The following STARD9 variants were observed in gnomAD, a reference collection of about 807,000 sequenced individuals.
STARD9 encodes StAR related lipid transfer domain containing 9.
In STARD9, 346 loss-of-function variants were observed where a neutral mutation model predicts 399.8. The observed-to-expected ratio is 0.87, with a 90% CI of 0.79 to 0.95. The LOEUF is 0.95. Ranked by LOEUF, STARD9 falls within the 40% of genes least tolerant of loss-of-function variation. The pLI, the probability that STARD9 is intolerant of heterozygous loss-of-function variation, is 0.00. For synonymous variants in STARD9, 2,203 were observed against 2,143.5 expected (o/e 1.03, Z -0.77); for missense variants, 5,832 against 5,667.5 (o/e 1.03, Z -0.93).
intron 3 of STARD9, among the ~76,000 whole-genome samples, chr15:42,608,443 G>A (rs1383848998): frequency 2.0e-5 from 3 of 152,138 alleles, no homozygotes; most frequent in African/African-American, 7.2e-5. Context: ...TGTCTCAGAG[G>A]CTCAGCTCCC....
chr15:42,711,330 G>A (rs572764183), intron 26 of STARD9, among the ~76,000 whole-genome samples: 14 of 152,030 alleles, frequency 9.2e-5, no homozygotes, highest in African/African-American at 3.1e-4. Context: ...TAGTAGAGAC[G>A]GGGTTTCACC....
In STARD9 at chr15:42,686,482, G is replaced by A. The variant is rs1315512815; in HGVS notation, c.4904G>A (p.Ser1635Asn). The A allele has an allele frequency of 6.5e-7, 1 of 1,537,842 alleles. No individual in the cohort carries two copies. Among genetic ancestry groups the A allele is most frequent in the East Asian group, 2.4e-5 (1 of 40,924 alleles). ...KQNNLEECLQSCRKPGLMTSS... is the reference protein window; with the variant it reads ...KQNNLEECLQNCRKPGLMTSS... The stretch of plus-strand genomic sequence containing the variant: ...AACAACTTGGAAGAATGCCTTCAGA[G>A]TTGCAGGAAACCTGGACTGATGACT... Residue 1635 changes from serine to asparagine, a missense_variant, in exon 23 of 33, where the codon AGT becomes AAT. Around this residue, in one of 2 missense-constraint regions of STARD9, gnomAD observed 5,828 missense variants for 5,651.1 expected, o/e 1.03. Transcript: ENST00000290607.
intron 3 of STARD9, among the ~76,000 whole-genome samples, chr15:42,601,507 C>A (rs1385852833): frequency 6.8e-6 from 1 of 148,088 alleles, no homozygotes; most frequent in Non-Finnish European, 1.5e-5. Context: ...CCCCACCTCC[C>A]GGATGGGGCG....
intron 3 of STARD9, among the ~76,000 whole-genome samples, chr15:42,593,733 G>T (rs192747994): frequency 7.8e-6 from 1 of 127,432 alleles, no homozygotes; most frequent in Non-Finnish European, 1.6e-5. Context: ...GTACAATCTC[G>T]GCTCACTGCA....
At position 42,691,955 on chromosome 15, in the gene STARD9, G is replaced by C; in HGVS notation, c.10377G>C (p.Leu3459=). Residue 3459 remains leucine (L), a synonymous_variant, in exon 23 of 33, where the codon CTG becomes CTC. Transcript: ENST00000290607. ...NWCSQMDKGM[L]HFGSSDISPY... ...GCTCTCAGATGGACAAAGGAATGCT[G>C]CACTTTGGCTCCAGTGACATCAGTC... 2.0e-6 allele frequency: 3 copies of C among 1,537,276 alleles called. No homozygotes were observed. Among genetic ancestry groups the C allele is most frequent in the Non-Finnish European group, 2.6e-6 (3 of 1,146,914 alleles).
intron 18 of STARD9, chr15:42,675,406 C>T: frequency 2.0e-6 from 1 of 511,030 alleles, no homozygotes; most frequent in Non-Finnish European, 3.5e-6. Flanking sequence ...TGAGATTCCT[C>T]CTCTTCCATC....
chr15:42,657,264 G>A (rs574710779), intron 9 of STARD9, among the ~76,000 whole-genome samples: 3 of 151,754 alleles, frequency 2.0e-5, no homozygotes, highest in African/African-American at 7.3e-5. Flanking sequence ...GAAGGCTGAG[G>A]CAGGAGAATC....
chr15:42,707,328 A>G (rs944800924), intron 26 of STARD9, among the ~76,000 whole-genome samples: 6 of 152,230 alleles, frequency 3.9e-5, no homozygotes, highest in South Asian at 2.1e-4. Context: ...TGAAGTGGCA[A>G]TGAGTTGGAG....
At chr15:42,679,454 C>T (rs1180742205) in intron 20 of STARD9, among the ~76,000 whole-genome samples, 2 of 152,172 alleles carry the variant, frequency 1.3e-5, no homozygotes, top group Non-Finnish European at 2.9e-5. Context: ...CTGGACCTGT[C>T]CTAGTCCTTG....
intron 2 of STARD9, 42 bp downstream of exon 2, chr15:42,583,457 C>G (rs2058214260): frequency 7.0e-7 from 1 of 1,425,172 alleles, no homozygotes; most frequent in Non-Finnish European, 9.6e-7. Flanking sequence ...CACTGAGGAG[C>G]TAATATTGTT....
At chr15:42,632,533 T>C (rs187486986) in intron 3 of STARD9, among the ~76,000 whole-genome samples, 3 of 152,310 alleles carry the variant, frequency 2.0e-5, no homozygotes, top group Admixed American at 6.5e-5. Context: ...TCTTCCTGTT[T>C]TGTGAAGGTG....
chr15:42,637,933 A>G lies in STARD9; in HGVS notation c.378A>G (p.Ile126Met), dbSNP rs904010456. The G allele has an allele frequency of 3.9e-6, 6 of 1,537,288 alleles. No homozygotes were observed. Among genetic ancestry groups the G allele is most frequent in the East Asian group, 2.4e-5 (1 of 40,922 alleles). ...CCTCTGTTGGGTTGACACCACGGAT[A>G]TGTGAGGTATAGACTATCTTTTGGC... ...TPASVGLTPR[I>M]CEGLFVREKD... Residue 126 changes from isoleucine (I) to methionine (M), a missense_variant, in exon 5 of 33, where the codon ATA (isoleucine) becomes ATG (methionine). Ile to Met is a conservative substitution (Grantham distance 10). Coordinates refer to ENST00000290607, the MANE Select transcript of STARD9 (RefSeq NM_020759.3).
rs2061359951 is a variant in STARD9, at chr15:42,716,844, G to A, written c.13372+80G>A. The A allele has an allele frequency of 1.2e-5, 19 of 1,526,552 alleles. No individual in the cohort carries two copies. The Admixed American group carries it at 3.5e-4, about 28-fold the overall frequency. The allele number at this position is 1,526,552 out of a possible 1,614,324, so 94.6% of individuals were successfully genotyped here. On this transcript the variant is annotated intron_variant, in intron 27 of 32. Coordinates refer to ENST00000290607, the MANE Select transcript of STARD9 (RefSeq NM_020759.3). ...GCTGATGGCTGCTAGATCTTAGTGAGTCACTGGTCTGTGGGAGAGCTGTTG... is the reference window on the plus strand; with the variant it reads ...GCTGATGGCTGCTAGATCTTAGTGAATCACTGGTCTGTGGGAGAGCTGTTG...
rs1410915389 is a variant in STARD9, at chr15:42,689,117, G to A, written c.7539G>A (p.Glu2513=). 1 of 1,537,284 alleles carries A rather than the reference G, an allele frequency of 6.5e-7. No individual in the cohort carries two copies. The highest frequency in any genetic ancestry group is 8.7e-7 in the Non-Finnish European group (1 of 1,146,924). Residue 2513 remains glutamate (E), a synonymous_variant, in exon 23 of 33, where the codon GAG becomes GAA. Coordinates refer to ENST00000290607, the MANE Select transcript of STARD9 (RefSeq NM_020759.3). The part of the protein sequence containing the change: ...KPRQKAEKET[E]DVGLTSGVSL... ...GGCAGAAGGCAGAGAAGGAGACTGA[G>A]GACGTCGGACTGACCAGCGGTGTTT...
At chr15:42,712,111 A>ATTATATATATTATATATT (rs55808206) in intron 26 of STARD9, among the ~76,000 whole-genome samples, 2 of 3,184 alleles carry the variant, frequency 6.3e-4, no homozygotes, top group Admixed American at 6.3e-3. Context: ...TATAATATAT[A>ATTATATATATTATATATT]ATATATAATA....
intron 29 of STARD9, 85 bp from the exon 30 acceptor site, chr15:42,717,892 G>A (rs1301616411): frequency 6.5e-5 from 98 of 1,502,418 alleles, no homozygotes; most frequent in Non-Finnish European, 8.6e-5. Context: ...GATTCCTCAA[G>A]TCTTCACTCT....
intron 3 of STARD9, among the ~76,000 whole-genome samples, chr15:42,619,258 A>T (rs2059034960): frequency 6.6e-6 from 1 of 152,112 alleles, no homozygotes; most frequent in Non-Finnish European, 1.5e-5. Flanking sequence ...CTATCCTGCC[A>T]CCCTAACCCC....
chr15:42,688,863 C>G lies in STARD9; in HGVS notation c.7285C>G (p.Pro2429Ala). The part of the protein sequence containing the change: ...HSQSGVPESI[P>A]LGTEDRISAS... Reference sequence around the variant, plus strand: ...TCAATCTGGTGTACCAGAGAGCATTCCTCTGGGGACAGAGGACAGGATCTC... The same window carrying G: ...TCAATCTGGTGTACCAGAGAGCATTGCTCTGGGGACAGAGGACAGGATCTC... The change falls in exon 23 of 33, where the codon CCT (proline) becomes GCT (alanine). Residue 2429 changes from proline to alanine, a missense_variant. Physicochemically the swap from Pro to Ala is conservative, Grantham distance 27. Coordinates refer to ENST00000290607, the MANE Select transcript of STARD9 (RefSeq NM_020759.3). 6.5e-7 allele frequency: 1 copy of G among 1,537,156 alleles called. No individual in the cohort carries two copies. Among genetic ancestry groups the G allele is most frequent in the Non-Finnish European group, 8.7e-7 (1 of 1,146,804 alleles).
At chr15:42,622,659 G>A (rs2141858997) in intron 3 of STARD9, among the ~76,000 whole-genome samples, 1 of 152,240 alleles carries the variant, frequency 6.6e-6, no homozygotes, top group South Asian at 2.1e-4. Context: ...TTCCTGAGGT[G>A]GGAGATCTTT....
Sources: gnomAD v4.1 joint callset for allele counts (sites outside exome capture counted in the v4.1 genomes callset) on GRCh38, gnomAD v4.1.1 for gene constraint, gnomAD v4.1.1 regional missense constraint, MANE v1.5 for transcripts, NCBI Gene and HGNC (gene_info 2026-07-23, HGNC 2026-07-21) for gene names.